Variants in TOP1 observed in about 807,000 individuals in gnomAD.
TOP1 encodes the protein DNA topoisomerase I.
TOP1 carries 10 observed loss-of-function variants against 111.1 expected under a neutral mutation model. The ratio of observed to expected loss-of-function variants is 0.09; its 90% CI spans 0.06 to 0.15. The LOEUF (loss-of-function observed/expected upper bound fraction) is 0.15, where lower values mean the gene tolerates loss of function less well. TOP1 is among the 10% of genes least tolerant of loss of function. The pLI is 1.00. For synonymous variants in TOP1, 271 were observed against 302.9 expected (o/e 0.89, Z 1.10); for missense variants, 474 against 926.7 (o/e 0.51, Z 6.34).
chr20:41,051,248 A>AT (rs2033402120), intron 2 of TOP1, among the ~76,000 whole-genome samples: 1 of 152,208 alleles, frequency 6.6e-6, no homozygotes, highest in African/African-American at 2.4e-5. Flanking sequence ...AGCCCATCAT[A>AT]TTATACAGCT....
At chr20:41,096,228 G>A (rs566307256) in intron 9 of TOP1, among the ~76,000 whole-genome samples, 34 of 152,180 alleles carry the variant, frequency 2.2e-4, no homozygotes, top group South Asian at 6.2e-4. Flanking sequence ...CACCACGCCC[G>A]GCTAATTTTT....
chr20:41,072,543 T>TG, intron 3 of TOP1: 1 of 985,462 alleles, frequency 1.0e-6, no homozygotes, highest in Non-Finnish European at 1.2e-6. Context: ...GCCCTGGACA[T>TG]GCTTCTGTAT....
chr20:41,052,481 G>T (rs1330856540), intron 2 of TOP1, among the ~76,000 whole-genome samples: 1 of 152,122 alleles, frequency 6.6e-6, no homozygotes, highest in East Asian at 1.9e-4. Context: ...TGGCCACTTG[G>T]GGTTGACCTT....
intron 8 of TOP1, among the ~76,000 whole-genome samples, chr20:41,091,623 C>T (rs1259793953): frequency 7.8e-6 from 1 of 127,988 alleles, no homozygotes; most frequent in African/African-American, 3.0e-5. Flanking sequence ...GTGGCACAAT[C>T]TTGGCTCACT....
intron 3 of TOP1, among the ~76,000 whole-genome samples, chr20:41,063,666 G>C (rs111934601): frequency 0.13 from 19,226 of 152,066 alleles, 1,408 homozygotes; most frequent in Non-Finnish European, 0.15. Flanking sequence ...TTGTGGTTTT[G>C]ATTTGCATTT....
At chr20:41,038,759 G>C (rs2033221431) in intron 2 of TOP1, among the ~76,000 whole-genome samples, 1 of 152,122 alleles carries the variant, frequency 6.6e-6, no homozygotes, top group Admixed American at 6.5e-5. Context: ...GCCGAGATGG[G>C]CAGATCACTT....
At position 41,101,413 on chromosome 20, in the gene TOP1, A is replaced by G; in HGVS notation, c.1308+60A>G. Reference sequence around the variant, plus strand: ...GTGCTGATAACCTTTTTTTGTTGAAATGTAACGTTCTCGTCCTCTAGAATC... The same window carrying G: ...GTGCTGATAACCTTTTTTTGTTGAAGTGTAACGTTCTCGTCCTCTAGAATC... On this transcript the variant is annotated intron_variant, in intron 13 of 20. Coordinates refer to ENST00000361337, the MANE Select transcript of TOP1 (RefSeq NM_003286.4). The surrounding 1 kb of genome is among the most constrained non-coding windows in gnomAD (Gnocchi z 4.1). 6.5e-7 allele frequency: 1 copy of G among 1,542,844 alleles called. No homozygotes were observed.
rs2033776080 is a variant in TOP1 at position 41,080,425 on chromosome 20, A to G, written c.431+245A>G. Reference sequence around the variant, plus strand: ...ATTACTGAAAAGGCAATAGATATTTATTGTAGAAATTTCAAATAATACAGA... The same window carrying G: ...ATTACTGAAAAGGCAATAGATATTTGTTGTAGAAATTTCAAATAATACAGA... On this transcript the variant is annotated intron_variant, in intron 6 of 20. Coordinates refer to ENST00000361337, the MANE Select transcript of TOP1 (RefSeq NM_003286.4). This position sits in a 1 kb window ranked among gnomAD's most constrained non-coding sequence, Gnocchi z 5.0. Among the ~76,000 whole-genome samples the G allele has an allele frequency of 6.6e-6, 1 of 152,208 alleles. No individual in the cohort carries two copies. Among genetic ancestry groups the G allele is most frequent in the Non-Finnish European group, 1.5e-5 (1 of 68,008 alleles).
At chr20:41,051,612 G>A (rs2033406506) in intron 2 of TOP1, among the ~76,000 whole-genome samples, 2 of 152,194 alleles carry the variant, frequency 1.3e-5, no homozygotes, top group South Asian at 2.1e-4. Context: ...ATGCTATGGC[G>A]TTAACAGTGC....
Position 41,029,160 on chromosome 20 carries a change from G to A in TOP1, c.33+60G>A, listed in dbSNP as rs1177230085. 2 of 1,325,598 alleles carry A rather than the reference G, an allele frequency of 1.5e-6. No individual in the cohort carries two copies. The highest frequency in any genetic ancestry group is 1.6e-5 in the South Asian group (1 of 63,776). The allele number at this position is 1,325,598 out of a possible 1,614,324, so 82.1% of individuals were successfully genotyped here. On this transcript the variant is annotated intron_variant, in intron 1 of 20. Coordinates refer to ENST00000361337, the MANE Select transcript of TOP1 (RefSeq NM_003286.4). The surrounding 1 kb of genome is among the most constrained non-coding windows in gnomAD (Gnocchi z 6.1). ...CCGGCCTGGCCGTCCCGCGACCCCC[G>A]GCGCAGGCCCCGACCCCAGCCCCGG... is the stretch of plus-strand genomic sequence containing the variant.
In TOP1 at chr20:41,061,501, A is replaced by C. The variant is rs2033544464; in HGVS notation, c.155+11A>C. 6.4e-7 allele frequency: 1 copy of C among 1,574,222 alleles called. No homozygotes were observed. Among genetic ancestry groups the C allele is most frequent in the South Asian group, 1.1e-5 (1 of 87,418 alleles). Reference sequence around the variant, plus strand: ...CAAGCATAGCAACAGGTAAGGGTGGAATCAAGCAAGTCCCTCATCATTCAG... The same window carrying C: ...CAAGCATAGCAACAGGTAAGGGTGGCATCAAGCAAGTCCCTCATCATTCAG... On this transcript the variant is annotated intron_variant, in intron 3 of 20. Transcript: ENST00000361337. This position sits in a 1 kb window ranked among gnomAD's most constrained non-coding sequence, Gnocchi z 4.6.
Position 41,079,199 on chromosome 20 carries a change from G to T in TOP1, c.336-886G>T, listed in dbSNP as rs571133635. On this transcript the variant is annotated intron_variant, in intron 5 of 20. Coordinates refer to ENST00000361337, the MANE Select transcript of TOP1 (RefSeq NM_003286.4). The surrounding 1 kb of genome is among the most constrained non-coding windows in gnomAD (Gnocchi z 4.0). ...TGAATATACTTTGCAGTGGGGTCGG[G>T]ATTCTTAATCCTTGGATCCCTCCAC... is the stretch of plus-strand genomic sequence containing the variant. Among the ~76,000 whole-genome samples, 35 of 152,264 alleles carry T rather than the reference G, an allele frequency of 2.3e-4. No homozygotes were observed. The highest frequency in any genetic ancestry group is 8.2e-4 in the African/African-American group (34 of 41,560).
chr20:41,051,584 T>C (rs1437432803), intron 2 of TOP1, among the ~76,000 whole-genome samples: 1 of 152,218 alleles, frequency 6.6e-6, no homozygotes, highest in Non-Finnish European at 1.5e-5. Flanking sequence ...AACAGGCATA[T>C]GTGCTTCTGC....
intron 2 of TOP1, among the ~76,000 whole-genome samples, chr20:41,044,762 G>A (rs1392155118): frequency 2.0e-5 from 3 of 152,182 alleles, no homozygotes; most frequent in African/African-American, 7.2e-5. Context: ...GTAGCTATTA[G>A]CCATATGAGG....
Position 41,029,609 on chromosome 20 carries a change from C to T in TOP1, c.58+154C>T. 1 of 691,236 alleles carries T rather than the reference C, an allele frequency of 1.4e-6. No individual in the cohort carries two copies. Among genetic ancestry groups the T allele is most frequent in the South Asian group, 1.6e-5 (1 of 64,154 alleles). The allele number at this position is 691,236 out of a possible 1,614,324, so 42.8% of individuals were successfully genotyped here. ...CCCCATTGTTCCCATCGGGCCGCCT[C>T]TTGACCCCCTTTCCGGGGACCCCAG... is the stretch of plus-strand genomic sequence containing the variant. On this transcript the variant is annotated intron_variant, in intron 2 of 20. Coordinates refer to ENST00000361337, the MANE Select transcript of TOP1 (RefSeq NM_003286.4). The surrounding 1 kb of genome is among the most constrained non-coding windows in gnomAD (Gnocchi z 6.1).
chr20:41,072,242 T>C (rs2033677070), intron 3 of TOP1: 1 of 985,134 alleles, frequency 1.0e-6, no homozygotes, highest in Non-Finnish European at 1.2e-6. Context: ...CTTTGACATA[T>C]TGTGTCTATT....
At position 41,078,531 on chromosome 20, in the gene TOP1, T is replaced by C. The variant is rs2033754564; in HGVS notation, c.335+894T>C. On this transcript the variant is annotated intron_variant, in intron 5 of 20. Coordinates refer to ENST00000361337, the MANE Select transcript of TOP1 (RefSeq NM_003286.4). The surrounding 1 kb of genome is among the most constrained non-coding windows in gnomAD (Gnocchi z 5.3). ...GACAAGGAGAAAAGCAGGTGCCCTCTTCAGGCATGTTTCATAATTGTTCTA... is the reference window on the plus strand; with the variant it reads ...GACAAGGAGAAAAGCAGGTGCCCTCCTCAGGCATGTTTCATAATTGTTCTA... Among the ~76,000 whole-genome samples, 2 of 152,206 alleles carry C rather than the reference T, an allele frequency of 1.3e-5. No individual in the cohort carries two copies. The highest frequency in any genetic ancestry group is 1.3e-4 in the Admixed American group (2 of 15,280).
chr20:41,055,929 G>A (rs938315280), intron 2 of TOP1, among the ~76,000 whole-genome samples: 1 of 152,190 alleles, frequency 6.6e-6, no homozygotes, highest in African/African-American at 2.4e-5. Context: ...AAAATGAAGG[G>A]TTGGAAAGGA....
chr20:41,113,446 T>C (rs2034274579), intron 14 of TOP1, among the ~76,000 whole-genome samples: 1 of 152,090 alleles, frequency 6.6e-6, no homozygotes, highest in Admixed American at 6.5e-5. Flanking sequence ...AGCATGAATA[T>C]TTAACATCCC....
Sources: allele counts gnomAD v4.1 joint callset (sites outside exome capture counted in the v4.1 genomes callset), GRCh38; gene constraint gnomAD v4.1.1; non-coding constraint Gnocchi (gnomAD v3.1); transcripts MANE v1.5; gene names NCBI Gene and HGNC (gene_info 2026-07-23, HGNC 2026-07-21).